Variants in USP32 observed in about 807,000 individuals in gnomAD.
USP32 encodes ubiquitin carboxyl-terminal hydrolase 32.
Under a neutral mutation model 204.8 loss-of-function variants are expected in USP32, and 59 were observed. That is an observed-to-expected ratio of 0.29 (90% CI 0.23 to 0.36). USP32 has a LOEUF of 0.36. Ranked by LOEUF, USP32 falls within the 10% of genes least tolerant of loss-of-function variation. The pLI, the probability that USP32 is intolerant of heterozygous loss-of-function variation, is 1.00. For synonymous variants in USP32, 517 were observed against 678.4 expected, an observed-to-expected ratio of 0.76 and a Z score of 3.70; for missense variants, 1,160 against 1,946.4, an observed-to-expected ratio of 0.60 and a Z score of 7.60.
intron 3 of USP32, among the ~76,000 whole-genome samples, chr17:60,299,911 T>C (rs371710851): frequency 1.6e-4 from 24 of 152,240 alleles, no homozygotes; most frequent in East Asian, 9.7e-4. Context: ...GGGGAAAATA[T>C]AAAGGGTCTC....
At chr17:60,316,352 G>A (rs1483936781) in intron 2 of USP32, 2 of 155,408 alleles carry the variant, frequency 1.3e-5, no homozygotes, top group Non-Finnish European at 2.8e-5. Context: ...ATGACTGCAA[G>A]TGGGAAAATG....
intron 1 of USP32, among the ~76,000 whole-genome samples, chr17:60,366,220 G>A (rs1482280116): frequency 5.3e-5 from 8 of 151,966 alleles, no homozygotes; most frequent in African/African-American, 1.2e-4. Flanking sequence ...GTGCAGTGGC[G>A]CGATCTCGGC....
intron 11 of USP32, among the ~76,000 whole-genome samples, chr17:60,238,803 C>CAA (rs562875704): frequency 0.076 from 7,251 of 95,600 alleles, 267 homozygotes; most frequent in East Asian, 0.13. Context: ...GACTCCATCT[C>CAA]AAAAAAAAAA....
At chr17:60,287,391 G>A (rs568333015) in intron 5 of USP32, among the ~76,000 whole-genome samples, 4 of 152,088 alleles carry the variant, frequency 2.6e-5, no homozygotes, top group African/African-American at 4.8e-5. Flanking sequence ...ATTGATTTAC[G>A]ATTTTTGCCT....
rs759150471 is a variant in USP32 at position 60,233,902 on chromosome 17, C to A, written c.1239+2236G>T. Among the ~76,000 whole-genome samples, 4 of 152,040 alleles carry A rather than the reference C, an allele frequency of 2.6e-5. No individual in the cohort carries two copies. The South Asian group carries it at 8.3e-4, about 32-fold the overall frequency. ...CTGCCTCCTTTCTCTCCATATAAAG[C>A]GATACTCCTCTCCTCCCAGGTTTAT... On this transcript the variant is annotated intron_variant, in intron 12 of 33. Transcript: ENST00000300896.
chr17:60,209,214 T>C (rs866638302), intron 22 of USP32, among the ~76,000 whole-genome samples, 156 bp downstream of exon 22: 18 of 152,346 alleles, frequency 1.2e-4, no homozygotes, highest in Middle Eastern at 6.8e-3. Context: ...TTTGGCATTA[T>C]TGCATAAGAA....
chr17:60,348,666 G>A lies in USP32; in HGVS notation c.59-3058C>T, dbSNP rs187527395. On this transcript the variant is annotated intron_variant, in intron 1 of 33. Transcript: ENST00000300896. ...GCACGTGCCTATAGCTACTCAGGAG[G>A]CTGAGATGGGAGGATCACTTGAGCC... is the stretch of plus-strand genomic sequence containing the variant. Among the ~76,000 whole-genome samples the A allele has an allele frequency of 1.4e-3, 206 of 152,198 alleles. 1 individual carries two copies. The highest frequency in any genetic ancestry group is 4.9e-3 in the African/African-American group (202 of 41,512).
At chr17:60,398,790 C>A (rs2089915992) in intron 1 of USP32, among the ~76,000 whole-genome samples, 1 of 149,668 alleles carries the variant, frequency 6.7e-6, no homozygotes, top group African/African-American at 2.5e-5. Flanking sequence ...ACAGCCTGGG[C>A]AACATTGCAA....
intron 5 of USP32, 77 bp from the exon 6 acceptor site, chr17:60,271,558 C>T (rs191524847): frequency 2.5e-5 from 35 of 1,403,406 alleles, no homozygotes; most frequent in Admixed American, 1.3e-4. Context: ...GATAATATAT[C>T]TTCCACAGAT....
chr17:60,332,151 G>T (rs983098756), intron 2 of USP32, among the ~76,000 whole-genome samples: 1 of 151,968 alleles, frequency 6.6e-6, no homozygotes, highest in African/African-American at 2.4e-5. Flanking sequence ...CCAGATACTC[G>T]GGAGGCTGAG....
chr17:60,386,466 T>G (rs1237083114), intron 1 of USP32, among the ~76,000 whole-genome samples: 1 of 152,166 alleles, frequency 6.6e-6, no homozygotes, highest in African/African-American at 2.4e-5. Context: ...AAACAGATTT[T>G]TCTCTAGTGA....
intron 33 of USP32, among the ~76,000 whole-genome samples, chr17:60,179,873 T>C (rs1567744399): frequency 1.3e-5 from 2 of 152,082 alleles, no homozygotes; most frequent in Non-Finnish European, 2.9e-5. Context: ...GGTTTCACCA[T>C]ATTAGCCAGG....
intron 33 of USP32, among the ~76,000 whole-genome samples, chr17:60,179,952 G>A (rs966060330): frequency 2.6e-5 from 4 of 152,210 alleles, no homozygotes; most frequent in South Asian, 2.1e-4. Context: ...TTACAGGCGT[G>A]AGCCACCGTG....
intron 26 of USP32, among the ~76,000 whole-genome samples, chr17:60,203,037 T>C (rs2084719227): frequency 1.3e-5 from 2 of 149,636 alleles, no homozygotes; most frequent in Admixed American, 6.6e-5. Context: ...AAGCATTCTC[T>C]CCTAGAACCT....
chr17:60,324,821 G>A (rs955616475), intron 2 of USP32, among the ~76,000 whole-genome samples: 2 of 151,850 alleles, frequency 1.3e-5, no homozygotes, highest in Admixed American at 6.6e-5. Flanking sequence ...TGACCAACAC[G>A]GAGAAAACCC....
At chr17:60,200,357 T>G (rs947996015) in intron 26 of USP32, among the ~76,000 whole-genome samples, 1 of 151,594 alleles carries the variant, frequency 6.6e-6, no homozygotes, top group South Asian at 2.1e-4. Flanking sequence ...AGGTCGGGAG[T>G]TCGAGACAGC....
At chr17:60,228,716 T>C (rs892047810) in intron 12 of USP32, among the ~76,000 whole-genome samples, 1 of 151,844 alleles carries the variant, frequency 6.6e-6, no homozygotes, top group African/African-American at 2.4e-5. Context: ...CCCAGTAACT[T>C]GAGAGGCTGA....
At position 60,266,053 on chromosome 17, in the gene USP32, G is replaced by C; in HGVS notation, c.850C>G (p.Leu284Val). The C allele has an allele frequency of 1.2e-6, 2 of 1,613,990 alleles. No homozygotes were observed. The highest frequency in any genetic ancestry group is 1.7e-6 in the Non-Finnish European group (2 of 1,179,932). The change falls in exon 8 of 34, where the codon CTC (leucine) becomes GTC (valine). Residue 284 changes from leucine (L) to valine (V), a missense_variant. Leu to Val is a conservative substitution (Grantham distance 32). Transcript: ENST00000300896. ...ATGTCTCTCAGTTCAACCCTGGAGA[G>C]AACTCCATCACGGTCAACATCAAAT... ...KVFDVDRDGV[L>V]SRVELRDMVV...
chr17:60,196,069 C>A (rs1407251849), intron 27 of USP32, among the ~76,000 whole-genome samples: 2 of 152,092 alleles, frequency 1.3e-5, no homozygotes, highest in Admixed American at 6.5e-5. Flanking sequence ...GAGATCGAGA[C>A]CATCCTGGCC....
Sources: gnomAD v4.1 joint callset for allele counts (sites outside exome capture counted in the v4.1 genomes callset) on GRCh38, gnomAD v4.1.1 for gene constraint, MANE v1.5 for transcripts, NCBI Gene and HGNC (gene_info 2026-07-23, HGNC 2026-07-21) for gene names.